Variants in SCAPER observed in about 807,000 individuals in gnomAD.
SCAPER encodes S phase cyclin A-associated protein in the endoplasmic reticulum.
Under a neutral mutation model 182.2 loss-of-function variants are expected in SCAPER, and 98 were observed. The ratio of observed to expected loss-of-function variants is 0.54; its 90% CI spans 0.46 to 0.64. The LOEUF (loss-of-function observed/expected upper bound fraction) is 0.64, where lower values mean the gene tolerates loss of function less well. Among genes scored for constraint, SCAPER ranks in the 30% least tolerant of loss-of-function variants. The pLI is 0.00. For synonymous variants in SCAPER, 605 were observed against 564.6 expected, an observed-to-expected ratio of 1.07 and a Z score of -1.01; for missense variants, 1,432 against 1,690.0, an observed-to-expected ratio of 0.85 and a Z score of 2.68.
At position 76,725,841 on chromosome 15, in the gene SCAPER, A is replaced by G. The variant is rs114773172; in HGVS notation, c.2165+2754T>C. On this transcript the variant is annotated intron_variant, in intron 17 of 31. Coordinates refer to ENST00000563290, the MANE Select transcript of SCAPER (RefSeq NM_020843.4). ...CTTATACGATATACAAAAATTAACT[A>G]AAACTATCCAAGATCTAAACATAAG... Among the ~76,000 whole-genome samples, 1,386 of 151,836 alleles carry G rather than the reference A, an allele frequency of 9.1e-3. 21 individuals are homozygous for G. The highest frequency in any genetic ancestry group is 0.032 in the African/African-American group (1,346 of 41,482).
chr15:76,489,484 G>C (rs1367757322), intron 24 of SCAPER, among the ~76,000 whole-genome samples: 1 of 151,474 alleles, frequency 6.6e-6, no homozygotes, highest in Non-Finnish European at 1.5e-5. Context: ...TATTCCTGTA[G>C]TTTTGCCTTC....
At chr15:76,407,283 T>G (rs899111940) in intron 26 of SCAPER, among the ~76,000 whole-genome samples, 11 of 152,208 alleles carry the variant, frequency 7.2e-5, no homozygotes, top group African/African-American at 1.4e-4. Context: ...TGCAGGCAAC[T>G]GTAACACAAT....
intron 2 of SCAPER, among the ~76,000 whole-genome samples, chr15:76,879,987 A>T (rs1287775409): frequency 2.0e-5 from 3 of 152,256 alleles, no homozygotes; most frequent in African/African-American, 7.2e-5. Context: ...ATGTATGAAT[A>T]AATGAATAAC....
chr15:76,447,892 A>G (rs1232927955), intron 25 of SCAPER, among the ~76,000 whole-genome samples: 1 of 152,206 alleles, frequency 6.6e-6, no homozygotes, highest in African/African-American at 2.4e-5. Flanking sequence ...TGGTCTTATG[A>G]GGACAGGTGC....
intron 22 of SCAPER, among the ~76,000 whole-genome samples, chr15:76,585,670 T>C (rs1013690819): frequency 6.6e-6 from 1 of 152,212 alleles, no homozygotes; most frequent in Non-Finnish European, 1.5e-5. Context: ...AAATCAATTC[T>C]GAACCTATCC....
chr15:76,711,240 C>T (rs1466801543), intron 17 of SCAPER, among the ~76,000 whole-genome samples: 3 of 152,102 alleles, frequency 2.0e-5, no homozygotes, highest in Non-Finnish European at 4.4e-5. Context: ...TTCAAAGACA[C>T]TATTTAAAAT....
Position 76,692,778 on chromosome 15 carries a change from C to G in SCAPER, c.2508+8980G>C, listed in dbSNP as rs1427099400. 6.8e-5 allele frequency among the ~76,000 whole-genome samples: 10 copies of G among 146,262 alleles called. No individual in the cohort carries two copies. The East Asian group carries it at 1.6e-3, about 23-fold the overall frequency. Reference sequence around the variant, plus strand: ...AAGGAAGAAAAATAACATCAAAATTCCAAGAAAGAGGTAAAAAGGAAAAAA... The same window carrying G: ...AAGGAAGAAAAATAACATCAAAATTGCAAGAAAGAGGTAAAAAGGAAAAAA... On this transcript the variant is annotated intron_variant, in intron 20 of 31. Coordinates refer to ENST00000563290, the MANE Select transcript of SCAPER (RefSeq NM_020843.4).
At chr15:76,692,851 G>T (rs1157735105) in intron 20 of SCAPER, among the ~76,000 whole-genome samples, 2 of 151,176 alleles carry the variant, frequency 1.3e-5, no homozygotes, top group Non-Finnish European at 2.9e-5. Context: ...AGCGACAATA[G>T]ACAAGATCAA....
At chr15:76,554,571 G>C (rs1313872058) in intron 23 of SCAPER, among the ~76,000 whole-genome samples, 2 of 151,962 alleles carry the variant, frequency 1.3e-5, no homozygotes, top group Non-Finnish European at 2.9e-5. Context: ...AAGTTGGGTA[G>C]TATGATACCT....
rs1382470306 is a variant in SCAPER at position 76,364,984 on chromosome 15, G to T, written c.3856-10844C>A. Among the ~76,000 whole-genome samples, 3 of 151,978 alleles carry T rather than the reference G, an allele frequency of 2.0e-5. No individual in the cohort carries two copies. In the East Asian group the frequency reaches 5.8e-4, roughly 29 times the overall value. ...GGCCATTTTACATCTCAAACCTCTG[G>T]CATAGATCCAGGTTTGTTAATTATT... On this transcript the variant is annotated intron_variant, in intron 29 of 31. Transcript: ENST00000563290.
At chr15:76,396,185 A>G (rs1294275200) in intron 27 of SCAPER, among the ~76,000 whole-genome samples, 1 of 152,098 alleles carries the variant, frequency 6.6e-6, no homozygotes, top group Non-Finnish European at 1.5e-5. Context: ...CCATTGGTCC[A>G]TGTGTCTGTT....
At chr15:76,572,064 G>A (rs1313074579) in intron 23 of SCAPER, among the ~76,000 whole-genome samples, 1 of 152,124 alleles carries the variant, frequency 6.6e-6, no homozygotes, top group African/African-American at 2.4e-5. Flanking sequence ...TAGACTGGGA[G>A]CCAGACAACA....
chr15:76,401,894 A>C (rs1334027486), intron 27 of SCAPER, among the ~76,000 whole-genome samples: 1 of 152,206 alleles, frequency 6.6e-6, no homozygotes, highest in Non-Finnish European at 1.5e-5. Context: ...TGGGAGGCTG[A>C]GGTGAGTGGA....
chr15:76,867,220 T>C (rs2072363701), intron 2 of SCAPER, among the ~76,000 whole-genome samples: 1 of 152,244 alleles, frequency 6.6e-6, no homozygotes, highest in Admixed American at 6.5e-5. Flanking sequence ...TTCTACTTTA[T>C]ACAAGTTCTT....
At chr15:76,586,351 C>G (rs1443601367) in intron 22 of SCAPER, among the ~76,000 whole-genome samples, 1 of 152,002 alleles carries the variant, frequency 6.6e-6, no homozygotes. Flanking sequence ...AAATTTAGAG[C>G]TATTTTGAGA....
chr15:76,850,122 C>T (rs997865824), intron 4 of SCAPER, among the ~76,000 whole-genome samples: 2 of 152,158 alleles, frequency 1.3e-5, no homozygotes, highest in Non-Finnish European at 2.9e-5. Context: ...CAAACCATAT[C>T]GCTAACATAC....
intron 5 of SCAPER, among the ~76,000 whole-genome samples, chr15:76,824,619 G>C (rs2151671362): frequency 6.6e-6 from 1 of 152,234 alleles, no homozygotes; most frequent in African/African-American, 2.4e-5. Context: ...TGTTACTACT[G>C]GAATAAATAG....
At chr15:76,483,683 C>T (rs2051341323) in intron 24 of SCAPER, among the ~76,000 whole-genome samples, 1 of 151,900 alleles carries the variant, frequency 6.6e-6, no homozygotes, top group South Asian at 2.1e-4. Flanking sequence ...AAAAAGTGGG[C>T]AGAAGATCTA....
At chr15:76,830,538 A>G (rs2068374402) in intron 5 of SCAPER, among the ~76,000 whole-genome samples, 1 of 152,066 alleles carries the variant, frequency 6.6e-6, no homozygotes. Flanking sequence ...GGTAATTCTG[A>G]AAGGAATTAA....
Sources: gnomAD v4.1 joint callset for allele counts (sites outside exome capture counted in the v4.1 genomes callset) on GRCh38, gnomAD v4.1.1 for gene constraint, MANE v1.5 for transcripts, NCBI Gene and HGNC (gene_info 2026-07-23, HGNC 2026-07-21) for gene names.